Variants in CYB5D2 observed in about 807,000 individuals in gnomAD.
CYB5D2 encodes cytochrome b5 domain containing 2, also known as neuferricin.
A neutral mutation model predicts 22.8 loss-of-function variants in CYB5D2; 23 were observed. That is an observed-to-expected ratio of 1.01 (90% confidence interval 0.73 to 1.43). The LOEUF (loss-of-function observed/expected upper bound fraction) is 1.43. Among genes scored for constraint, CYB5D2 ranks in the 40% most tolerant of loss-of-function variants. The probability of loss-of-function intolerance (pLI) is 0.00; values close to 1 mark genes in which losing one functional copy is unlikely to be tolerated. For missense variants in CYB5D2, 373 were observed against 357.2 expected (o/e 1.04, Z -0.36); for synonymous variants, 170 against 152.2 (o/e 1.12, Z -0.86).
intron 1 of CYB5D2, 86 bp downstream of exon 1, chr17:4,144,091 TA>T (rs2058943541): frequency 6.7e-7 from 1 of 1,493,504 alleles, no homozygotes; most frequent in African/African-American, 1.4e-5. Context: ...ATTATTCATC[TA>T]TTTCCCCCCC....
In CYB5D2 at chr17:4,143,746, G is replaced by A. The variant is rs1475416111; in HGVS notation, c.-10G>A. ...AACCTCGGAAGTGCGGAGCGGGTGG[G>A]CCTATATAGATGTTGAGGTGCGGAG... is the stretch of plus-strand genomic sequence containing the variant. On this transcript the variant is annotated 5_prime_UTR_variant, in exon 1 of 4. Coordinates refer to ENST00000301391, the MANE Select transcript of CYB5D2 (RefSeq NM_144611.4). The A allele has an allele frequency of 2.0e-5, 33 of 1,611,784 alleles. No homozygotes were observed. The highest frequency in any genetic ancestry group is 1.8e-4 in the Middle Eastern group (1 of 5,666).
intron 2 of CYB5D2, among the ~76,000 whole-genome samples, chr17:4,153,994 T>A (rs959669222): frequency 3.9e-5 from 6 of 152,262 alleles, no homozygotes; most frequent in African/African-American, 1.4e-4. Context: ...TTCTCTTGCC[T>A]TGTGGCAGGT....
chr17:4,156,575 G>A (rs139901274), intron 3 of CYB5D2, among the ~76,000 whole-genome samples: 3 of 152,386 alleles, frequency 2.0e-5, no homozygotes, highest in East Asian at 1.9e-4. Context: ...GTGCAGGAAC[G>A]TGGTGCTGCC....
intron 1 of CYB5D2, among the ~76,000 whole-genome samples, chr17:4,144,901 C>T (rs1167303756): frequency 1.3e-5 from 2 of 152,142 alleles, no homozygotes; most frequent in Non-Finnish European, 2.9e-5. Flanking sequence ...ATTCTCCTGT[C>T]TCAGCCTCCC....
At chr17:4,151,684 C>G (rs1372415853) in intron 2 of CYB5D2, among the ~76,000 whole-genome samples, 1 of 150,472 alleles carries the variant, frequency 6.6e-6, no homozygotes, top group Non-Finnish European at 1.5e-5. Context: ...GAGACTCTGT[C>G]TCAAAAAAAA....
Position 4,150,020 on chromosome 17 carries a change from ATG to A in CYB5D2, c.388_389del (p.Val130TrpfsTer79), listed in dbSNP as rs1165314306. On this transcript the variant is annotated frameshift_variant, in exon 2 of 4. Coordinates refer to ENST00000301391, the MANE Select transcript of CYB5D2 (RefSeq NM_144611.4). LOFTEE classifies it high-confidence loss of function. ...TGGCTTTCATTCTATGAGAAGAATT[ATG>A]TGTGTGTTGGTAAGTCGTCCATAGG... 6.2e-7 allele frequency: 1 copy of A among 1,613,896 alleles called. No homozygotes were observed. Among genetic ancestry groups the A allele is most frequent in the Non-Finnish European group, 8.5e-7 (1 of 1,180,020 alleles).
At chr17:4,154,962 C>G in intron 3 of CYB5D2, 102 bp downstream of exon 3, 1 of 1,274,134 alleles carries the variant, frequency 7.8e-7, no homozygotes, top group Non-Finnish European at 1.1e-6. Flanking sequence ...ATTGTTAACC[C>G]TGGGGAGCTT....
chr17:4,143,768 G>T lies in CYB5D2; in HGVS notation c.13G>T (p.Gly5Ter). ...TGGGCCTATATAGATGTTGAGGTGCGGAGGCCGTGGGCTTTTGTTGGGCCT... is the reference window on the plus strand; with the variant it reads ...TGGGCCTATATAGATGTTGAGGTGCTGAGGCCGTGGGCTTTTGTTGGGCCT... MLRC[G>*]GRGLLLGLAV... The change falls in exon 1 of 4, where the codon GGA becomes TGA. Residue 5 changes from glycine (G) to a stop codon, truncating the protein, a stop_gained. Transcript: ENST00000301391. LOFTEE classifies it high-confidence loss of function. 8 of 1,613,622 alleles carry T rather than the reference G, an allele frequency of 5.0e-6. No individual in the cohort carries two copies. The highest frequency in any genetic ancestry group is 6.8e-6 in the Non-Finnish European group (8 of 1,179,868).
At chr17:4,150,436 G>A (rs2142994031) in intron 2 of CYB5D2, among the ~76,000 whole-genome samples, 1 of 152,290 alleles carries the variant, frequency 6.6e-6, no homozygotes, top group East Asian at 1.9e-4. Context: ...CCTCTAGGAG[G>A]AGACAAACTT....
chr17:4,155,763 C>T (rs9900594), intron 3 of CYB5D2, among the ~76,000 whole-genome samples: 5,623 of 152,286 alleles, frequency 0.037, 348 homozygotes, highest in African/African-American at 0.13. Context: ...CTTGACTTTG[C>T]TTCCTTGGGC....
intron 1 of CYB5D2, 35 bp from the exon 2 acceptor site, chr17:4,149,856 T>G: frequency 1.3e-6 from 2 of 1,597,202 alleles, no homozygotes; most frequent in South Asian, 2.2e-5. Flanking sequence ...GTCAGTGGTT[T>G]ACACCTGGGT....
At position 4,157,011 on chromosome 17, in the gene CYB5D2, C is replaced by T; in HGVS notation, c.724C>T (p.Leu242=). 6.2e-7 allele frequency: 1 copy of T among 1,612,848 alleles called. No homozygotes were observed. The highest frequency in any genetic ancestry group is 8.5e-7 in the Non-Finnish European group (1 of 1,180,038). ...DNPPHRNRGD[L]DHPNLAEYTG... is the part of the protein sequence containing the mutation. The stretch of plus-strand genomic sequence containing the variant: ...CCCTCCACACAGAAATCGTGGGGAC[C>T]TGGACCACCCAAACTTGGCAGAGTA... The change falls in exon 4 of 4, where the codon CTG becomes TTG. Residue 242 remains leucine (L), a synonymous_variant. Coordinates refer to ENST00000301391, the MANE Select transcript of CYB5D2 (RefSeq NM_144611.4). This position sits in a 1 kb window ranked among gnomAD's most constrained non-coding sequence, Gnocchi z 4.4.
At position 4,149,787 on chromosome 17, in the gene CYB5D2, C is replaced by T. The variant is rs192575758; in HGVS notation, c.251-104C>T. On this transcript the variant is annotated intron_variant, in intron 1 of 3. Coordinates refer to ENST00000301391, the MANE Select transcript of CYB5D2 (RefSeq NM_144611.4). ...GCACTCCAGCCTGGGCAACAGAGTGCGACTCCGTCTCAAAAAAAAAAGAAA... is the reference window on the plus strand; with the variant it reads ...GCACTCCAGCCTGGGCAACAGAGTGTGACTCCGTCTCAAAAAAAAAAGAAA... The T allele has an allele frequency of 6.5e-5, 93 of 1,423,474 alleles. No homozygotes were observed. In the Admixed American group the frequency reaches 9.2e-4, roughly 14 times the overall value. The allele number at this position is 1,423,474 out of a possible 1,614,324, so 88.2% of individuals were successfully genotyped here.
At chr17:4,148,720 A>C (rs888989803) in intron 1 of CYB5D2, among the ~76,000 whole-genome samples, 2 of 152,236 alleles carry the variant, frequency 1.3e-5, no homozygotes, top group South Asian at 4.2e-4. Context: ...GCTACTCGGG[A>C]GGCTGAGGCA....
Position 4,143,701 on chromosome 17 carries a change from T to C in CYB5D2, c.-55T>C. 2 of 1,546,102 alleles carry C rather than the reference T, an allele frequency of 1.3e-6. No homozygotes were observed. The highest frequency in any genetic ancestry group is 2.4e-5 in the South Asian group (2 of 81,832). ...GTCACGCTCGGCGTCTCGGCCATCT[T>C]AGCTGTAGATAGAGGCGGCAACCTC... is the stretch of plus-strand genomic sequence containing the variant. On this transcript the variant is annotated 5_prime_UTR_variant, in exon 1 of 4. An upstream open reading frame in the 5' UTR loses its in-frame stop. Coordinates refer to ENST00000301391, the MANE Select transcript of CYB5D2 (RefSeq NM_144611.4).
chr17:4,143,895 G>T lies in CYB5D2; in HGVS notation c.140G>T (p.Arg47Leu). The T allele has an allele frequency of 6.2e-7, 1 of 1,613,974 alleles. No homozygotes were observed. The highest frequency in any genetic ancestry group is 1.1e-5 in the South Asian group (1 of 91,076). The change falls in exon 1 of 4, where the codon CGC (arginine) becomes CTC (leucine). Residue 47 changes from arginine to leucine, a missense_variant. By Grantham distance (102) the Arg-to-Leu change is moderately radical. Transcript: ENST00000301391. ...ATACCGGAGGAGCTGTCTCGCTACC[G>T]CGGCGGCCCAGGGGACCCGGGCCTG... Reference protein sequence around the residue: ...LFIPEELSRYRGGPGDPGLYL... With the variant: ...LFIPEELSRYLGGPGDPGLYL...
intron 3 of CYB5D2, among the ~76,000 whole-genome samples, chr17:4,155,111 T>C (rs2059100391): frequency 1.3e-5 from 2 of 152,190 alleles, no homozygotes; most frequent in Admixed American, 6.5e-5. Context: ...GGCATCTTTT[T>C]ATTTTTTCCG....
At position 4,155,694 on chromosome 17, in the gene CYB5D2, C is replaced by T. The variant is rs143264183; in HGVS notation, c.578+834C>T. ...CCTGAATGCAGGTAGCCTCAGAGAG[C>T]ACTGGTCTCTGAGACTCCAGGAGGA... On this transcript the variant is annotated intron_variant, in intron 3 of 3. Coordinates refer to ENST00000301391, the MANE Select transcript of CYB5D2 (RefSeq NM_144611.4). Among the ~76,000 whole-genome samples the T allele has an allele frequency of 8.5e-5, 13 of 152,292 alleles. No individual in the cohort carries two copies. In the East Asian group the frequency reaches 2.5e-3, roughly 29 times the overall value.
At chr17:4,145,014 C>T (rs1224595468) in intron 1 of CYB5D2, among the ~76,000 whole-genome samples, 1 of 152,100 alleles carries the variant, frequency 6.6e-6, no homozygotes, top group East Asian at 1.9e-4. Context: ...TCTCGATCTC[C>T]TGACCTTATG....
Sources: allele counts gnomAD v4.1 joint callset (sites outside exome capture counted in the v4.1 genomes callset), GRCh38; gene constraint gnomAD v4.1.1; non-coding constraint Gnocchi (gnomAD v3.1); transcripts MANE v1.5; gene names NCBI Gene and HGNC (gene_info 2026-07-23, HGNC 2026-07-21).